The following PDZRN4 variants were observed in gnomAD, a reference collection of about 807,000 sequenced individuals.
PDZRN4 encodes PDZ domain containing ring finger 4.
PDZRN4 carries 70 observed loss-of-function variants against 99.0 expected under a neutral mutation model. The ratio of observed to expected loss-of-function variants is 0.71; its 90% CI spans 0.58 to 0.86. The LOEUF (loss-of-function observed/expected upper bound fraction) is 0.86. Ranked by LOEUF, PDZRN4 falls within the 40% of genes least tolerant of loss-of-function variation. PDZRN4 has a pLI of 0.00. For missense variants in PDZRN4, 1,474 were observed against 1,331.2 expected (o/e 1.11, Z -1.67); for synonymous variants, 551 against 501.6 (o/e 1.10, Z -1.32).
At position 41,572,370 on chromosome 12, in the gene PDZRN4, A is replaced by G. The variant is rs138619635; in HGVS notation, c.1591A>G (p.Lys531Glu). The G allele has an allele frequency of 2.3e-5, 37 of 1,591,676 alleles. No individual in the cohort carries two copies. The highest frequency in any genetic ancestry group is 3.3e-4 in the Middle Eastern group (2 of 5,978). Residue 531 changes from lysine (K) to glutamate (E), a missense_variant, in exon 10 of 10, where the codon AAG (lysine) becomes GAG (glutamate). Transcript: ENST00000402685. ...PTANEVEQPK[K>E]QEEEEGTTDT... ...TTCAACATCATTTTCTTAGCCAAAAAAGCAAGAAGAAGAAGAAGGCACAAC... is the reference window on the plus strand; with the variant it reads ...TTCAACATCATTTTCTTAGCCAAAAGAGCAAGAAGAAGAAGAAGGCACAAC...
At chr12:41,446,527 T>C (rs1592062197) in intron 3 of PDZRN4, among the ~76,000 whole-genome samples, 2 of 33,668 alleles carry the variant, frequency 5.9e-5, no homozygotes. Flanking sequence ...ATTTAGATGG[T>C]TTTTTTTTTT....
Position 41,506,513 on chromosome 12 carries a change from A to C in PDZRN4, c.901A>C (p.Asn301His). Reference sequence around the variant, plus strand: ...TGAAGAGGCAGTGGAAGCTTTTCGCAATGCCAAGGAGCCCATTGTGGTGCA... The same window carrying C: ...TGAAGAGGCAGTGGAAGCTTTTCGCCATGCCAAGGAGCCCATTGTGGTGCA... ...THEEAVEAFR[N>H]AKEPIVVQVL... Residue 301 changes from asparagine (N) to histidine (H), a missense_variant, in exon 4 of 10, where the codon AAT becomes CAT. Coordinates refer to ENST00000402685, the MANE Select transcript of PDZRN4 (RefSeq NM_001164595.2). The C allele has an allele frequency of 6.2e-7, 1 of 1,613,774 alleles. No individual in the cohort carries two copies. The highest frequency in any genetic ancestry group is 8.5e-7 in the Non-Finnish European group (1 of 1,179,802).
chr12:41,532,400 G>A (rs565713808), intron 5 of PDZRN4, among the ~76,000 whole-genome samples: 3 of 152,110 alleles, frequency 2.0e-5, no homozygotes, highest in East Asian at 1.9e-4. Context: ...ATTCTTTGTC[G>A]TTTGGTAGTT....
intron 3 of PDZRN4, among the ~76,000 whole-genome samples, chr12:41,263,348 T>C (rs1164725278): frequency 1.3e-5 from 2 of 151,578 alleles, no homozygotes; most frequent in East Asian, 1.9e-4. Context: ...AGGTCAGGAG[T>C]TCAAGACCAG....
rs1178567780 is a variant in PDZRN4, at chr12:41,194,160, G to T, written c.815G>T (p.Gly272Val). 1 of 1,539,988 alleles carries T rather than the reference G, an allele frequency of 6.5e-7. No homozygotes were observed. Among genetic ancestry groups the T allele is most frequent in the South Asian group, 1.1e-5 (1 of 89,698 alleles). ...AATGGACCTGCTGACAGAGCAGATG[G>T]CCTGGAGATTCATGACAAAATCATG... is the stretch of plus-strand genomic sequence containing the variant. The part of the protein sequence containing the change: ...LENGPADRAD[G>V]LEIHDKIMEV... Residue 272 changes from glycine to valine, a missense_variant, in exon 3 of 10, where the codon GGC becomes GTC. Transcript: ENST00000402685.
intron 3 of PDZRN4, among the ~76,000 whole-genome samples, chr12:41,401,157 T>G (rs1952286177): frequency 6.6e-6 from 1 of 152,146 alleles, no homozygotes; most frequent in Non-Finnish European, 1.5e-5. Flanking sequence ...AATAATTTAT[T>G]CCCTTAATCT....
chr12:41,331,274 GTA>G lies in PDZRN4; in HGVS notation c.843+137090_843+137091del, dbSNP rs147650989. Among the ~76,000 whole-genome samples, 579 of 152,158 alleles carry G rather than the reference GTA, an allele frequency of 3.8e-3. 18 individuals are homozygous for G. In the East Asian group the frequency reaches 0.09, roughly 24 times the overall value. ...TGTCTTATGGTTTTAAAGATGTTAA[GTA>G]TATTCTTAATAATTTTCTATATTTC... On this transcript the variant is annotated intron_variant, in intron 3 of 9. Coordinates refer to ENST00000402685, the MANE Select transcript of PDZRN4 (RefSeq NM_001164595.2).
chr12:41,522,815 A>T (rs985722809), intron 5 of PDZRN4, among the ~76,000 whole-genome samples: 17 of 152,272 alleles, frequency 1.1e-4, no homozygotes, highest in African/African-American at 3.4e-4. Context: ...TATCAGATCA[A>T]TCATGTGAAA....
chr12:41,560,715 C>T (rs1939255568), intron 7 of PDZRN4, among the ~76,000 whole-genome samples: 1 of 152,160 alleles, frequency 6.6e-6, no homozygotes, highest in African/African-American at 2.4e-5. Flanking sequence ...AATCCTGTAA[C>T]TGTAAACCAT....
chr12:41,458,794 G>T (rs1052741700), intron 3 of PDZRN4, among the ~76,000 whole-genome samples: 2 of 152,150 alleles, frequency 1.3e-5, no homozygotes, highest in East Asian at 3.8e-4. Flanking sequence ...GAGAATAGGG[G>T]CAGAGAGCTG....
At chr12:41,517,159 A>G (rs1938415032) in intron 5 of PDZRN4, among the ~76,000 whole-genome samples, 3 of 152,130 alleles carry the variant, frequency 2.0e-5, no homozygotes, top group African/African-American at 4.8e-5. Context: ...GATTGTGACA[A>G]CACTAAACCT....
intron 3 of PDZRN4, among the ~76,000 whole-genome samples, chr12:41,411,259 C>A (rs976326318): frequency 3.3e-5 from 5 of 151,924 alleles, no homozygotes; most frequent in African/African-American, 1.2e-4. Context: ...CCACTGTTAC[C>A]CCCAGATATA....
Position 41,188,687 on chromosome 12 carries a change from C to G in PDZRN4, c.232C>G (p.Arg78Gly), listed in dbSNP as rs750725966. Reference sequence around the variant, plus strand: ...GCTGCGCAGCCTCATCCAGAAGCTGCGAGTCCAGTGCGACTACCGCGCCCG... The same window carrying G: ...GCTGCGCAGCCTCATCCAGAAGCTGGGAGTCCAGTGCGACTACCGCGCCCG... ...LPLRSLIQKL[R>G]VQCDYRARGC... Residue 78 changes from arginine (R) to glycine (G), a missense_variant, in exon 1 of 10, where the codon CGA becomes GGA. Coordinates refer to ENST00000402685, the MANE Select transcript of PDZRN4 (RefSeq NM_001164595.2). The G allele has an allele frequency of 8.3e-6, 13 of 1,559,036 alleles. No individual in the cohort carries two copies. Among genetic ancestry groups the G allele is most frequent in the South Asian group, 2.3e-5 (2 of 85,760 alleles).
chr12:41,512,031 G>A (rs763994561), intron 5 of PDZRN4, among the ~76,000 whole-genome samples: 23 of 152,094 alleles, frequency 1.5e-4, no homozygotes, highest in Non-Finnish European at 2.6e-4. Context: ...TTGTGCCACT[G>A]AGAGAATATC....
At chr12:41,404,095 C>T (rs1565573909) in intron 3 of PDZRN4, among the ~76,000 whole-genome samples, 1 of 152,066 alleles carries the variant, frequency 6.6e-6, no homozygotes, top group Non-Finnish European at 1.5e-5. Flanking sequence ...ACTTATAATA[C>T]CTAATACAAT....
chr12:41,422,647 C>T (rs188032306), intron 3 of PDZRN4, among the ~76,000 whole-genome samples: 18 of 152,068 alleles, frequency 1.2e-4, no homozygotes, highest in Admixed American at 7.9e-4. Context: ...TTCAGCTCTC[C>T]GAAGAACTCA....
intron 3 of PDZRN4, among the ~76,000 whole-genome samples, chr12:41,477,531 G>C (rs1344109360): frequency 6.6e-6 from 1 of 152,184 alleles, no homozygotes; most frequent in African/African-American, 2.4e-5. Context: ...TTGGGTTGGG[G>C]ACAATTGTGG....
chr12:41,196,043 A>T (rs1372043259), intron 3 of PDZRN4, among the ~76,000 whole-genome samples: 1 of 152,140 alleles, frequency 6.6e-6, no homozygotes, highest in Non-Finnish European at 1.5e-5. Flanking sequence ...TTAATGTTAC[A>T]TTAGAAAAGA....
intron 3 of PDZRN4, among the ~76,000 whole-genome samples, chr12:41,203,125 TG>T (rs1390653562): frequency 3.3e-5 from 5 of 151,978 alleles, no homozygotes; most frequent in Non-Finnish European, 2.9e-5. Flanking sequence ...AATAGGCTTT[TG>T]TTACGGAAGG....
Sources: allele counts gnomAD v4.1 joint callset (sites outside exome capture counted in the v4.1 genomes callset), GRCh38; gene constraint gnomAD v4.1.1; transcripts MANE v1.5; gene names NCBI Gene and HGNC (gene_info 2026-07-23, HGNC 2026-07-21).